CRB1: variants seen among roughly 807,000 people sequenced by gnomAD.
CRB1 encodes protein crumbs homolog 1.
CRB1 carries 83 observed loss-of-function variants against 120.0 expected under a neutral mutation model. That is an observed-to-expected ratio of 0.69 (90% CI 0.58 to 0.83). The LOEUF (loss-of-function observed/expected upper bound fraction) is 0.83, where lower values mean the gene tolerates loss of function less well. Ranked by LOEUF, CRB1 falls within the 40% of genes least tolerant of loss-of-function variation. The pLI is 0.00. For missense variants in CRB1, 1,699 were observed against 1,687.6 expected, an observed-to-expected ratio of 1.01 and a Z score of -0.12; for synonymous variants, 625 against 612.5, an observed-to-expected ratio of 1.02 and a Z score of -0.30.
intron 2 of CRB1, among the ~76,000 whole-genome samples, chr1:197,336,794 A>C (rs1659181518): frequency 6.6e-6 from 1 of 152,214 alleles, no homozygotes; most frequent in African/African-American, 2.4e-5. Flanking sequence ...CCATCTGTCT[A>C]TAAACATCAT....
the CRB1 span, among the ~76,000 whole-genome samples, chr1:197,251,378 T>C: frequency 6.6e-6 from 1 of 152,048 alleles, no homozygotes; most frequent in Non-Finnish European, 1.5e-5. Flanking sequence ...ACAGTAGACC[T>C]GTAAGGTACT....
intron 5 of CRB1, among the ~76,000 whole-genome samples, chr1:197,392,394 G>C (rs1166350846): frequency 6.6e-6 from 1 of 152,036 alleles, no homozygotes; most frequent in Non-Finnish European, 1.5e-5. Flanking sequence ...CATAATTATA[G>C]ACAGCTGGAA....
chr1:197,242,821 T>C, the CRB1 span, among the ~76,000 whole-genome samples: 1 of 152,184 alleles, frequency 6.6e-6, no homozygotes, highest in Non-Finnish European at 1.5e-5. Context: ...TTTTGGTTGG[T>C]AGGTTATTTA....
intron 1 of CRB1, among the ~76,000 whole-genome samples, chr1:197,325,448 A>G (rs1658438602): frequency 1.3e-5 from 2 of 152,112 alleles, no homozygotes; most frequent in Non-Finnish European, 2.9e-5. Flanking sequence ...CATTCATTTG[A>G]TTTTTTGGAA....
At chr1:197,416,416 A>G (rs992862486) in intron 5 of CRB1, among the ~76,000 whole-genome samples, 1 of 152,216 alleles carries the variant, frequency 6.6e-6, no homozygotes, top group Non-Finnish European at 1.5e-5. Flanking sequence ...ACTATGTACA[A>G]TGCATTTTCA....
chr1:197,281,039 A>T (rs1453276836), intron 1 of CRB1, among the ~76,000 whole-genome samples: 2 of 151,942 alleles, frequency 1.3e-5, no homozygotes, highest in African/African-American at 4.8e-5. Context: ...CAAAAAATCA[A>T]TTTAAAAAAT....
At chr1:197,355,790 G>A (rs950236211) in intron 4 of CRB1, among the ~76,000 whole-genome samples, 7 of 151,918 alleles carry the variant, frequency 4.6e-5, no homozygotes, top group South Asian at 2.1e-4. Context: ...ACACCTCCCC[G>A]CAGGCTGAGG....
At chr1:197,330,089 T>G (rs1234285732) in intron 2 of CRB1, among the ~76,000 whole-genome samples, 1 of 152,212 alleles carries the variant, frequency 6.6e-6, no homozygotes, top group Non-Finnish European at 1.5e-5. Flanking sequence ...TCATTTTACT[T>G]TTAAACATTC....
chr1:197,215,329 G>A, the CRB1 span, among the ~76,000 whole-genome samples: 28 of 149,006 alleles, frequency 1.9e-4, no homozygotes, highest in Admixed American at 4.7e-4. Context: ...CCAGGCTGGA[G>A]TCCAATGGCA....
intron 2 of CRB1, among the ~76,000 whole-genome samples, chr1:197,330,525 A>C (rs1344467145): frequency 1.3e-5 from 2 of 152,112 alleles, no homozygotes; most frequent in Non-Finnish European, 2.9e-5. Flanking sequence ...CCTCTAATAA[A>C]TCTTCTTCAT....
At chr1:197,430,723 T>C (rs943885028) in intron 8 of CRB1, among the ~76,000 whole-genome samples, 7 of 152,182 alleles carry the variant, frequency 4.6e-5, no homozygotes, top group Admixed American at 6.5e-5. Context: ...ACATATGCAT[T>C]GATATATTTG....
chr1:197,427,748 A>T lies in CRB1; in HGVS notation c.2423A>T (p.Tyr808Phe), dbSNP rs1009552469. ...LKIKPYKIEL[Y>F]QSSQNLGFIS... The stretch of plus-strand genomic sequence containing the variant: ...ATCAAGCCATATAAAATTGAACTGT[A>T]TCAGTCTTCACAAAACCTAGGATTT... The change falls in exon 7 of 12, where the codon TAT (tyrosine) becomes TTT (phenylalanine). Residue 808 changes from tyrosine to phenylalanine, a missense_variant. Coordinates refer to ENST00000367400, the MANE Select transcript of CRB1 (RefSeq NM_201253.3). 6.2e-7 allele frequency: 1 copy of T among 1,614,034 alleles called. No homozygotes were observed. Among genetic ancestry groups the T allele is most frequent in the Non-Finnish European group, 8.5e-7 (1 of 1,179,970 alleles).
chr1:197,466,241 G>A (rs1666745035), intron 11 of CRB1, among the ~76,000 whole-genome samples: 1 of 152,190 alleles, frequency 6.6e-6, no homozygotes, highest in Non-Finnish European at 1.5e-5. Context: ...CTGCTCTGAG[G>A]CAGTTCAGGC....
chr1:197,463,135 T>G (rs1666604427), intron 11 of CRB1, among the ~76,000 whole-genome samples: 1 of 152,186 alleles, frequency 6.6e-6, no homozygotes, highest in Non-Finnish European at 1.5e-5. Flanking sequence ...GTTTTACTTC[T>G]TGATAGACAT....
chr1:197,363,685 T>C (rs552867551), intron 5 of CRB1: 39 of 351,638 alleles, frequency 1.1e-4, no homozygotes, highest in East Asian at 9.1e-4. Flanking sequence ...CTTTCCCAAC[T>C]CCCAACCCAA....
intron 11 of CRB1, among the ~76,000 whole-genome samples, chr1:197,450,477 G>C (rs746476585): frequency 1.3e-4 from 20 of 152,062 alleles, no homozygotes; most frequent in Non-Finnish European, 2.5e-4. Flanking sequence ...GAATGATCCT[G>C]TCACCAGGTA....
chr1:197,210,673 G>T, the CRB1 span, among the ~76,000 whole-genome samples: 1 of 151,940 alleles, frequency 6.6e-6, no homozygotes, highest in Non-Finnish European at 1.5e-5. Context: ...TGAAAATTAA[G>T]AAAATAAAAC....
At chr1:197,359,239 T>C (rs1170077904) in intron 5 of CRB1, among the ~76,000 whole-genome samples, 1 of 152,190 alleles carries the variant, frequency 6.6e-6, no homozygotes, top group Non-Finnish European at 1.5e-5. Context: ...CCCTGCCTCC[T>C]CATCCCTTAT....
chr1:197,417,504 A>G (rs927520072), intron 5 of CRB1, among the ~76,000 whole-genome samples: 1 of 152,194 alleles, frequency 6.6e-6, no homozygotes, highest in Non-Finnish European at 1.5e-5. Flanking sequence ...AAGAGTTGAT[A>G]AAGAAGGAAG....
Sources: gnomAD v4.1 joint callset for allele counts (sites outside exome capture counted in the v4.1 genomes callset) on GRCh38, gnomAD v4.1.1 for gene constraint, MANE v1.5 for transcripts, NCBI Gene and HGNC (gene_info 2026-07-23, HGNC 2026-07-21) for gene names.